The following CRYBG1 variants were observed in gnomAD, a reference collection of about 807,000 sequenced individuals.
CRYBG1 encodes crystallin beta-gamma domain containing 1, also known as beta/gamma crystallin domain-containing protein 1.
CRYBG1 carries 139 observed loss-of-function variants against 189.2 expected under a neutral mutation model. The observed-to-expected ratio is 0.73, with a 90% CI of 0.64 to 0.85. The LOEUF (loss-of-function observed/expected upper bound fraction) is 0.85. CRYBG1 is among the 40% of genes least tolerant of loss of function. The pLI, the probability that CRYBG1 is intolerant of heterozygous loss-of-function variation, is 0.00. For synonymous variants in CRYBG1, 1,023 were observed against 1,017.1 expected, an observed-to-expected ratio of 1.01 and a Z score of -0.11; for missense variants, 2,611 against 2,675.8, an observed-to-expected ratio of 0.98 and a Z score of 0.53.
At chr6:106,362,811 C>T (rs982060784) in intron 1 of CRYBG1, among the ~76,000 whole-genome samples, 6 of 152,162 alleles carry the variant, frequency 3.9e-5, no homozygotes, top group Non-Finnish European at 8.8e-5. Flanking sequence ...AAGTTCTTTT[C>T]TATTACCTCA....
intron 1 of CRYBG1, among the ~76,000 whole-genome samples, chr6:106,435,879 A>C (rs1321161422): frequency 1.3e-5 from 2 of 152,156 alleles, no homozygotes; most frequent in East Asian, 1.9e-4. Flanking sequence ...TGCAAATTTT[A>C]AAAACAAATC....
chr6:106,382,434 T>C (rs1296443741), intron 1 of CRYBG1, among the ~76,000 whole-genome samples: 1 of 152,168 alleles, frequency 6.6e-6, no homozygotes, highest in Non-Finnish European at 1.5e-5. Context: ...TTAGCATCAT[T>C]CCTGAAAGAT....
At chr6:106,463,718 T>G (rs1388890889) in intron 2 of CRYBG1, among the ~76,000 whole-genome samples, 1 of 152,218 alleles carries the variant, frequency 6.6e-6, no homozygotes, top group African/African-American at 2.4e-5. Flanking sequence ...CATTTAAGAC[T>G]GCAGGAAAGG....
chr6:106,513,244 T>C (rs73519199), intron 3 of CRYBG1, among the ~76,000 whole-genome samples: 3,643 of 152,322 alleles, frequency 0.024, 138 homozygotes, highest in African/African-American at 0.084. Flanking sequence ...GTTAATTCCC[T>C]TTTTAACACA....
chr6:106,568,347 G>C, intron 21 of CRYBG1, 125 bp from the exon 22 acceptor site: 1 of 722,012 alleles, frequency 1.4e-6, no homozygotes, highest in Non-Finnish European at 2.3e-6. Flanking sequence ...TTGCCTCCTT[G>C]AGGCATGCAG....
chr6:106,416,587 C>T (rs1771025271), intron 1 of CRYBG1, among the ~76,000 whole-genome samples: 1 of 152,134 alleles, frequency 6.6e-6, no homozygotes, highest in Non-Finnish European at 1.5e-5. Flanking sequence ...CCAATGTTCT[C>T]CAATGTAGAG....
At chr6:106,474,553 A>G (rs1353024367) in intron 2 of CRYBG1, among the ~76,000 whole-genome samples, 2 of 152,226 alleles carry the variant, frequency 1.3e-5, no homozygotes, top group Non-Finnish European at 2.9e-5. Flanking sequence ...AAAAGAGTAG[A>G]TTCAATATCT....
intron 1 of CRYBG1, among the ~76,000 whole-genome samples, chr6:106,434,093 G>C (rs780933333): frequency 6.6e-6 from 1 of 151,792 alleles, no homozygotes; most frequent in Non-Finnish European, 1.5e-5. Context: ...TTATCAGAAG[G>C]CCTCAGTTCC....
chr6:106,486,240 T>A (rs1224447247), intron 2 of CRYBG1, among the ~76,000 whole-genome samples: 1 of 151,736 alleles, frequency 6.6e-6, no homozygotes, highest in African/African-American at 2.4e-5. Context: ...GAACATATTA[T>A]TTAATTTTCA....
chr6:106,570,877 T>C lies in CRYBG1; in HGVS notation c.*2311T>C, dbSNP rs1381270715. ...AACAGGAATAAACCAAGCAGAAATC[T>C]CAAAACAGGTCTACATCAAAAGTTA... is the stretch of plus-strand genomic sequence containing the variant. On this transcript the variant is annotated 3_prime_UTR_variant, in exon 22 of 22. Transcript: ENST00000633556. The C allele has an allele frequency of 1.3e-5, 2 of 152,096 alleles. No homozygotes were observed. The highest frequency in any genetic ancestry group is 4.8e-5 in the African/African-American group (2 of 41,390). The allele number at this position is 152,096 out of a possible 1,614,324, so 9.4% of individuals were successfully genotyped here. A position where few individuals can be genotyped will look rare whatever the true frequency, so the allele number is the denominator to read the frequency against.
Position 106,512,581 on chromosome 6 carries a change from C to G in CRYBG1, c.1464C>G (p.Pro488=). The part of the protein sequence containing the change: ...VASAASPESK[P]SPGTKGQLRG... ...CCGCTGCGAGCCCAGAGTCCAAGCC[C>G]AGCCCCGGTACCAAAGGGCAGCTCC... Residue 488 remains proline, a synonymous_variant, in exon 3 of 22, where the codon CCC becomes CCG. Transcript: ENST00000633556. The G allele has an allele frequency of 1.9e-6, 3 of 1,606,156 alleles. No individual in the cohort carries two copies. The South Asian group carries it at 3.3e-5, about 18-fold the overall frequency.
intron 13 of CRYBG1, among the ~76,000 whole-genome samples, chr6:106,547,614 T>A (rs1774295538): frequency 6.6e-6 from 1 of 152,260 alleles, no homozygotes; most frequent in Non-Finnish European, 1.5e-5. Flanking sequence ...GCTTTATTTT[T>A]ATTGGCAATT....
chr6:106,370,704 A>C (rs1770007004), intron 1 of CRYBG1, among the ~76,000 whole-genome samples: 2 of 152,214 alleles, frequency 1.3e-5, no homozygotes, highest in South Asian at 4.1e-4. Flanking sequence ...TGGAGGAAGC[A>C]GGACTAAAAC....
intron 2 of CRYBG1, among the ~76,000 whole-genome samples, chr6:106,503,507 C>T (rs1214810551): frequency 6.6e-6 from 1 of 152,120 alleles, no homozygotes; most frequent in African/African-American, 2.4e-5. Flanking sequence ...TAATTTCTAA[C>T]AAGAAAAAAT....
intron 2 of CRYBG1, among the ~76,000 whole-genome samples, chr6:106,460,624 A>G (rs568169167): frequency 6.6e-6 from 1 of 152,276 alleles, no homozygotes; most frequent in African/African-American, 2.4e-5. Flanking sequence ...TAGAGAGGAT[A>G]TCCAGAGATG....
chr6:106,361,977 T>TTCTTTCTTTCTTTC (rs1562285549), intron 1 of CRYBG1, among the ~76,000 whole-genome samples: 1 of 20,920 alleles, frequency 4.8e-5, no homozygotes, highest in Admixed American at 4.5e-4. Context: ...TTCTTTTTTT[T>TTCTTTCTTTCTTTC]TTTTTTTTTC....
rs972934584 is a variant in CRYBG1 at position 106,571,870 on chromosome 6, A to G, written c.*3304A>G. ...GCCAAAATGGTGTGTTTATTTTTTA[A>G]AGCTTGTATCATGGAATGTATAATC... On this transcript the variant is annotated 3_prime_UTR_variant, in exon 22 of 22. Coordinates refer to ENST00000633556, the MANE Select transcript of CRYBG1 (RefSeq NM_001371242.2). The G allele has an allele frequency of 1.7e-6, 1 of 599,104 alleles. No homozygotes were observed. Among genetic ancestry groups the G allele is most frequent in the Non-Finnish European group, 3.0e-6 (1 of 337,524 alleles). The allele number at this position is 599,104 out of a possible 1,614,324, so 37.1% of individuals were successfully genotyped here.
In CRYBG1 at chr6:106,380,557, T is replaced by C. The variant is rs117197465; in HGVS notation, c.173+19476T>C. Among the ~76,000 whole-genome samples, 14 of 152,330 alleles carry C rather than the reference T, an allele frequency of 9.2e-5. No homozygotes were observed. In the East Asian group the frequency reaches 2.7e-3, roughly 29 times the overall value. On this transcript the variant is annotated intron_variant, in intron 1 of 21. Coordinates refer to ENST00000633556, the MANE Select transcript of CRYBG1 (RefSeq NM_001371242.2). ...GAAATTCTTCTGTGTTCTAATAATT[T>C]AGATGAATTCAGAAAGAAGATGAGT...
Position 106,511,467 on chromosome 6 carries a change from C to G in CRYBG1, c.350C>G (p.Pro117Arg). The change falls in exon 3 of 22, where the codon CCA becomes CGA. Residue 117 changes from proline (P) to arginine (R), a missense_variant. By Grantham distance (103) the Pro-to-Arg change is moderately radical. Transcript: ENST00000633556. Reference sequence around the variant, plus strand: ...CCTCCAGAAGACAACAGAAGGAAGCCAGTTTTGGGGAAACTTGGCACTCTA... The same window carrying G: ...CCTCCAGAAGACAACAGAAGGAAGCGAGTTTTGGGGAAACTTGGCACTCTA... The part of the protein sequence containing the change: ...AQPPEDNRRK[P>R]VLGKLGTLFT... 1 of 1,535,820 alleles carries G rather than the reference C, an allele frequency of 6.5e-7. No individual in the cohort carries two copies. The highest frequency in any genetic ancestry group is 8.7e-7 in the Non-Finnish European group (1 of 1,146,706).
Sources: allele counts gnomAD v4.1 joint callset (sites outside exome capture counted in the v4.1 genomes callset), GRCh38; gene constraint gnomAD v4.1.1; transcripts MANE v1.5; gene names NCBI Gene and HGNC (gene_info 2026-07-23, HGNC 2026-07-21).